Variants in SAMD5 observed in about 807,000 individuals in gnomAD.
The protein encoded by SAMD5 is sterile alpha motif domain-containing protein 5.
In SAMD5, 13 loss-of-function variants were observed where a neutral mutation model predicts 11.3. The ratio of observed to expected loss-of-function variants is 1.15; its 90% CI spans 0.75 to 1.83. The LOEUF is 1.83. SAMD5 is among the 40% of genes most tolerant of loss of function. SAMD5 has a pLI of 0.00. For synonymous variants in SAMD5, 129 were observed against 111.3 expected, an observed-to-expected ratio of 1.16 and a Z score of -1.00; for missense variants, 255 against 239.1, an observed-to-expected ratio of 1.07 and a Z score of -0.44.
In SAMD5 at chr6:147,637,954, A is replaced by G. The variant is rs59183112; in HGVS notation, c.163-99363A>G. Among the ~76,000 whole-genome samples the G allele has an allele frequency of 6.6e-3, 1,010 of 152,032 alleles. 16 individuals carry two copies. The highest frequency in any genetic ancestry group is 0.04 in the South Asian group (193 of 4,824). ...CATGCACATATTTCAAATTCCTCACATGACAGTTTTGAGAAACTAATGAAA... is the reference window on the plus strand; with the variant it reads ...CATGCACATATTTCAAATTCCTCACGTGACAGTTTTGAGAAACTAATGAAA... On this transcript the variant is annotated intron_variant, in intron 1 of 1. Transcript: ENST00000566741.
chr6:147,804,750 TG>T, the SAMD5 span, among the ~76,000 whole-genome samples: 121 of 152,270 alleles, frequency 7.9e-4, 2 homozygotes, highest in African/African-American at 2.8e-3. Flanking sequence ...CACTAGAGAG[TG>T]TTGAATTTTT....
Position 147,567,366 on chromosome 6 carries a change from T to C in SAMD5, c.*2910T>C. The C allele has an allele frequency of 5.1e-6, 5 of 985,010 alleles. No individual in the cohort carries two copies. Among genetic ancestry groups the C allele is most frequent in the Non-Finnish European group, 6.0e-6 (5 of 829,526 alleles). The allele number at this position is 985,010 out of a possible 1,614,324, so 61.0% of individuals were successfully genotyped here. A position where few individuals can be genotyped will look rare whatever the true frequency, so the allele number is the denominator to read the frequency against. ...CAATAAACAATGACAACAACAAGCATTGAGCTTTCACTTTGGAGTTACTCA... is the reference window on the plus strand; with the variant it reads ...CAATAAACAATGACAACAACAAGCACTGAGCTTTCACTTTGGAGTTACTCA... On this transcript the variant is annotated 3_prime_UTR_variant, in exon 2 of 2. Coordinates refer to ENST00000367474, the MANE Select transcript of SAMD5 (RefSeq NM_001030060.3).
At chr6:147,756,062 A>T in the SAMD5 span, among the ~76,000 whole-genome samples, 3 of 152,158 alleles carry the variant, frequency 2.0e-5, no homozygotes, top group Non-Finnish European at 4.4e-5. Context: ...AATTTTGGAA[A>T]GAATCAAAAA....
the SAMD5 span, among the ~76,000 whole-genome samples, chr6:147,860,143 C>A: frequency 6.6e-6 from 1 of 152,070 alleles, no homozygotes; most frequent in Admixed American, 6.6e-5. Context: ...GGGGAGGATC[C>A]CTTCTTGCTT....
chr6:147,751,553 A>G, the SAMD5 span, among the ~76,000 whole-genome samples: 2 of 152,212 alleles, frequency 1.3e-5, no homozygotes, highest in African/African-American at 4.8e-5. Flanking sequence ...GGGTTCAGTC[A>G]GTGATGGTTA....
At chr6:147,747,960 C>T in the SAMD5 span, among the ~76,000 whole-genome samples, 3 of 152,132 alleles carry the variant, frequency 2.0e-5, no homozygotes, top group African/African-American at 4.8e-5. Context: ...ATATATCTCT[C>T]CCTACATGTT....
At chr6:147,636,817 C>G (rs759154839) in intron 1 of SAMD5, among the ~76,000 whole-genome samples, 7 of 152,220 alleles carry the variant, frequency 4.6e-5, no homozygotes, top group Non-Finnish European at 8.8e-5. Flanking sequence ...AACCCTGAGA[C>G]CCAGCTAGCT....
intron 1 of SAMD5, among the ~76,000 whole-genome samples, chr6:147,591,427 G>T (rs1266317913): frequency 6.6e-6 from 1 of 152,122 alleles, no homozygotes; most frequent in Non-Finnish European, 1.5e-5. Context: ...GAGGGTCACC[G>T]CACTCGGGAG....
the SAMD5 span, among the ~76,000 whole-genome samples, chr6:147,796,675 G>A: frequency 8.5e-5 from 13 of 152,272 alleles, no homozygotes; most frequent in Admixed American, 3.9e-4. Flanking sequence ...CCATTTTCAC[G>A]ATATTGATTC....
chr6:147,828,061 C>T, the SAMD5 span, among the ~76,000 whole-genome samples: 3 of 152,216 alleles, frequency 2.0e-5, no homozygotes, highest in South Asian at 6.2e-4. Context: ...GCTGGGATTA[C>T]AGGCGTGAGC....
the SAMD5 span, among the ~76,000 whole-genome samples, chr6:147,801,806 G>A: frequency 8.4e-3 from 1,280 of 152,178 alleles, 20 homozygotes; most frequent in African/African-American, 0.029. Flanking sequence ...TTAGACCCAC[G>A]CACATATGGT....
the SAMD5 span, among the ~76,000 whole-genome samples, chr6:147,827,190 A>G: frequency 1.3e-5 from 2 of 152,192 alleles, no homozygotes; most frequent in Admixed American, 1.3e-4. Context: ...ATTGAGTAGA[A>G]GCATAAGTTA....
At chr6:147,528,176 G>A (rs370087213) in intron 1 of SAMD5, among the ~76,000 whole-genome samples, 37 of 152,212 alleles carry the variant, frequency 2.4e-4, no homozygotes, top group African/African-American at 8.9e-4. Flanking sequence ...GATCCAAACC[G>A]TATCACTCAG....
the SAMD5 span, among the ~76,000 whole-genome samples, chr6:147,951,149 C>T: frequency 6.6e-6 from 1 of 151,370 alleles, no homozygotes; most frequent in African/African-American, 2.4e-5. Context: ...TTCTTTTCAC[C>T]TTTCCTTGTT....
chr6:147,624,772 G>A (rs757788611), intron 1 of SAMD5, among the ~76,000 whole-genome samples: 60 of 151,902 alleles, frequency 3.9e-4, no homozygotes, highest in Admixed American at 2.1e-3. Context: ...TGGGTTCGGT[G>A]TATACTGCTC....
chr6:147,705,539 A>G (rs1303650160), intron 1 of SAMD5, among the ~76,000 whole-genome samples: 1 of 152,242 alleles, frequency 6.6e-6, no homozygotes, highest in Non-Finnish European at 1.5e-5. Context: ...GAAAGATTAA[A>G]GCAAAATTCC....
the SAMD5 span, among the ~76,000 whole-genome samples, chr6:147,873,640 A>C: frequency 1.3e-5 from 2 of 152,178 alleles, no homozygotes; most frequent in Non-Finnish European, 2.9e-5. Context: ...TATATGGATT[A>C]TTTATTAAAA....
At chr6:147,930,783 T>G in the SAMD5 span, among the ~76,000 whole-genome samples, 1 of 152,130 alleles carries the variant, frequency 6.6e-6, no homozygotes, top group Non-Finnish European at 1.5e-5. Flanking sequence ...AAGGGTACAC[T>G]GCTACAAAAG....
the SAMD5 span, among the ~76,000 whole-genome samples, chr6:147,763,316 T>C: frequency 8.0e-5 from 12 of 150,538 alleles, no homozygotes; most frequent in Non-Finnish European, 1.3e-4. Flanking sequence ...TGCGCCACCA[T>C]GCCTGGCTAA....
Sources: allele counts gnomAD v4.1 joint callset (sites outside exome capture counted in the v4.1 genomes callset), GRCh38; gene constraint gnomAD v4.1.1; transcripts MANE v1.5; gene names NCBI Gene and HGNC (gene_info 2026-07-23, HGNC 2026-07-21).